The following PKNOX2 variants were observed in gnomAD, a reference collection of about 807,000 sequenced individuals.
The protein encoded by PKNOX2 is homeobox protein PKNOX2.
In PKNOX2, 14 loss-of-function variants were observed where a neutral mutation model predicts 53.1. The ratio of observed to expected loss-of-function variants is 0.26; its 90% CI spans 0.17 to 0.41. PKNOX2 has a LOEUF of 0.41. PKNOX2 is among the 10% of genes least tolerant of loss of function. PKNOX2 has a pLI of 1.00. For synonymous variants in PKNOX2, 257 were observed against 242.8 expected, an observed-to-expected ratio of 1.06 and a Z score of -0.54; for missense variants, 496 against 602.8, an observed-to-expected ratio of 0.82 and a Z score of 1.85.
In PKNOX2 at chr11:125,189,447, GTATATATATATATATATATATA is replaced by G. The variant is rs58968290; in HGVS notation, c.-201+24694_-201+24715del. On this transcript the variant is annotated intron_variant, in intron 1 of 12. Coordinates refer to ENST00000298282, the MANE Select transcript of PKNOX2 (RefSeq NM_001382323.2). The stretch of plus-strand genomic sequence containing the variant: ...TGTGTGTGTGTGTGTGTGTGTGTGT[GTATATATATATATATATATATA>G]TATATATATATATATATATATACAA... 3.8e-4 allele frequency among the ~76,000 whole-genome samples: 9 copies of G among 23,464 alleles called. No individual in the cohort carries two copies. The South Asian group carries it at 8.6e-3, about 23-fold the overall frequency. The allele number at this position is 23,464 out of a possible 152,430, so 15.4% of individuals were successfully genotyped here. A position where few individuals can be genotyped will look rare whatever the true frequency, so the allele number is the denominator to read the frequency against.
chr11:125,190,300 C>G (rs553755688), intron 1 of PKNOX2, among the ~76,000 whole-genome samples: 2 of 152,312 alleles, frequency 1.3e-5, no homozygotes, highest in East Asian at 3.9e-4. Flanking sequence ...CTATCAGAGG[C>G]TGAGGCTGTC....
chr11:125,301,357 C>G (rs1948051913), intron 2 of PKNOX2, among the ~76,000 whole-genome samples: 1 of 151,918 alleles, frequency 6.6e-6, no homozygotes, highest in African/African-American at 2.4e-5. Context: ...AGGACTCTAC[C>G]CAAAGACTCT....
At chr11:125,255,022 A>C (rs1239336939) in intron 2 of PKNOX2, among the ~76,000 whole-genome samples, 3 of 152,242 alleles carry the variant, frequency 2.0e-5, no homozygotes, top group African/African-American at 7.2e-5. Flanking sequence ...TGCAACGCGA[A>C]TGATACACAG....
intron 6 of PKNOX2, among the ~76,000 whole-genome samples, chr11:125,387,785 T>C (rs1455070267): frequency 6.6e-6 from 1 of 152,126 alleles, no homozygotes; most frequent in South Asian, 2.1e-4. Context: ...TTTATCTAGT[T>C]GAGTTAGCCA....
intron 2 of PKNOX2, among the ~76,000 whole-genome samples, chr11:125,308,854 C>G (rs1052934361): frequency 2.6e-5 from 4 of 152,202 alleles, no homozygotes; most frequent in Non-Finnish European, 2.9e-5. Flanking sequence ...TAGTTCAGCA[C>G]TCTCGCCTGC....
At chr11:125,235,168 A>C (rs1158642450) in intron 2 of PKNOX2, 53 bp downstream of exon 2, 1 of 152,670 alleles carries the variant, frequency 6.6e-6, no homozygotes, top group Non-Finnish European at 1.5e-5. Flanking sequence ...GTTAGGGGTT[A>C]AAGACCAGCC....
Position 125,309,198 on chromosome 11 carries a change from C to CTCTCTTCCTTCCTT in PKNOX2, c.-129-22615_-129-22602dup, listed in dbSNP as rs1379370974. On this transcript the variant is annotated intron_variant, in intron 2 of 12. Transcript: ENST00000298282. ...TCTCTCTCTTTCTTCCTTCCTTCCT[C>CTCTCTTCCTTCCTT]TCTCTTCCTTCCTTTCTCTCTCTCT... Among the ~76,000 whole-genome samples, 6 of 146,208 alleles carry CTCTCTTCCTTCCTT rather than the reference C, an allele frequency of 4.1e-5. No individual in the cohort carries two copies. In the East Asian group the frequency reaches 9.8e-4, roughly 24 times the overall value.
At chr11:125,415,453 G>A (rs934354428) in intron 10 of PKNOX2, among the ~76,000 whole-genome samples, 18 of 151,936 alleles carry the variant, frequency 1.2e-4, no homozygotes, top group Admixed American at 3.3e-4. Context: ...GTTTTACCAT[G>A]TTGCCCAGTC....
intron 1 of PKNOX2, among the ~76,000 whole-genome samples, chr11:125,233,361 C>G (rs775511866): frequency 2.0e-5 from 3 of 152,198 alleles, no homozygotes; most frequent in Non-Finnish European, 4.4e-5. Flanking sequence ...AAGTTCATAT[C>G]ATGCTCAGTA....
At chr11:125,413,910 C>T (rs1955716483) in intron 10 of PKNOX2, among the ~76,000 whole-genome samples, 1 of 152,166 alleles carries the variant, frequency 6.6e-6, no homozygotes, top group African/African-American at 2.4e-5. Context: ...AGGCCAGCAC[C>T]TGCTCACTGA....
intron 1 of PKNOX2, among the ~76,000 whole-genome samples, chr11:125,183,555 AC>A (rs1290757503): frequency 1.3e-5 from 2 of 150,986 alleles, no homozygotes; most frequent in Admixed American, 6.6e-5. Context: ...CTGGCCAGCT[AC>A]CCTCTGCCAC....
At position 125,165,335 on chromosome 11, in the gene PKNOX2, C is replaced by A. The variant is rs920183774; in HGVS notation, c.-201+559C>A. Among the ~76,000 whole-genome samples, 1 of 152,020 alleles carries A rather than the reference C, an allele frequency of 6.6e-6. No homozygotes were observed. Among genetic ancestry groups the A allele is most frequent in the Non-Finnish European group, 1.5e-5 (1 of 67,954 alleles). On this transcript the variant is annotated intron_variant, in intron 1 of 12. Transcript: ENST00000298282. The surrounding 1 kb of genome is among the most constrained non-coding windows in gnomAD (Gnocchi z 4.5). ...TAGGAACAGGCACGCCGGCCCGAGC[C>A]CGGGTGCAGAAGGCTCCCGGCCGGG... is the stretch of plus-strand genomic sequence containing the variant.
chr11:125,316,443 G>C (rs781601555), intron 2 of PKNOX2, among the ~76,000 whole-genome samples: 4 of 152,192 alleles, frequency 2.6e-5, no homozygotes, highest in Non-Finnish European at 5.9e-5. Flanking sequence ...AATGATCAGA[G>C]GTAGCCTTCC....
intron 3 of PKNOX2, among the ~76,000 whole-genome samples, chr11:125,346,669 C>A (rs1165040663): frequency 6.6e-6 from 1 of 152,174 alleles, no homozygotes; most frequent in Non-Finnish European, 1.5e-5. Flanking sequence ...AAATCATGAA[C>A]ATGCTGCTTG....
At chr11:125,409,373 C>T (rs947830176) in intron 7 of PKNOX2, among the ~76,000 whole-genome samples, 1 of 152,124 alleles carries the variant, frequency 6.6e-6, no homozygotes, top group Admixed American at 6.5e-5. Flanking sequence ...GCAAAGGTTC[C>T]GTGCTGGTCG....
chr11:125,260,243 G>A (rs1201396827), intron 2 of PKNOX2, among the ~76,000 whole-genome samples: 2 of 151,994 alleles, frequency 1.3e-5, no homozygotes, highest in African/African-American at 2.4e-5. Context: ...CTGTCACCCA[G>A]GCTGGAGTGT....
chr11:125,396,041 C>T (rs1954375390), intron 6 of PKNOX2, among the ~76,000 whole-genome samples: 1 of 151,788 alleles, frequency 6.6e-6, no homozygotes, highest in Non-Finnish European at 1.5e-5. Flanking sequence ...GTAACGTCCA[C>T]CTCCTGGGTT....
chr11:125,317,222 C>G (rs185516595), intron 2 of PKNOX2, among the ~76,000 whole-genome samples: 1 of 152,306 alleles, frequency 6.6e-6, no homozygotes, highest in Non-Finnish European at 1.5e-5. Context: ...ATTCCTCCCA[C>G]TGAAATCTTG....
intron 1 of PKNOX2, among the ~76,000 whole-genome samples, chr11:125,233,125 G>A (rs1942372520): frequency 6.6e-6 from 1 of 152,216 alleles, no homozygotes; most frequent in Non-Finnish European, 1.5e-5. Flanking sequence ...GAAAGGAAAA[G>A]TGAACTTTTA....
Sources: gnomAD v4.1 joint callset for allele counts (sites outside exome capture counted in the v4.1 genomes callset) on GRCh38, gnomAD v4.1.1 for gene constraint, Gnocchi (gnomAD v3.1) non-coding constraint, MANE v1.5 for transcripts, NCBI Gene and HGNC (gene_info 2026-07-23, HGNC 2026-07-21) for gene names.